RBFOX1: variants seen among roughly 807,000 people sequenced by gnomAD.
The protein encoded by RBFOX1 is RNA binding protein fox-1 homolog 1.
In RBFOX1, 8 loss-of-function variants were observed where a neutral mutation model predicts 57.7. The ratio of observed to expected loss-of-function variants is 0.14; its 90% CI spans 0.08 to 0.25. The LOEUF (loss-of-function observed/expected upper bound fraction) is 0.25, where lower values mean the gene tolerates loss of function less well. RBFOX1 is among the 10% of genes least tolerant of loss of function. The pLI, the probability that RBFOX1 is intolerant of heterozygous loss-of-function variation, is 1.00. For missense variants in RBFOX1, 611 were observed against 548.5 expected, an observed-to-expected ratio of 1.11 and a Z score of -1.14; for synonymous variants, 326 against 222.4, an observed-to-expected ratio of 1.47 and a Z score of -4.15.
At position 7,696,610 on chromosome 16, in the gene RBFOX1, A is replaced by G. The variant is rs147416229; in HGVS notation, c.996-12446A>G. ...AGGAACTGTTCTAAGCCCTGGGGACATAGCATTAAATGAGTCAGGAGAAGG... is the reference window on the plus strand; with the variant it reads ...AGGAACTGTTCTAAGCCCTGGGGACGTAGCATTAAATGAGTCAGGAGAAGG... On this transcript the variant is annotated intron_variant, in intron 14 of 15. Transcript: ENST00000550418. Among the ~76,000 whole-genome samples, 142 of 152,038 alleles carry G rather than the reference A, an allele frequency of 9.3e-4. 1 individual carries two copies. The East Asian group carries it at 0.02, about 22-fold the overall frequency.
intron 4 of RBFOX1, among the ~76,000 whole-genome samples, chr16:7,275,043 G>A (rs980048518): frequency 6.6e-6 from 1 of 152,094 alleles, no homozygotes; most frequent in African/African-American, 2.4e-5. Flanking sequence ...GTGGTCGAAG[G>A]GTGGTGGAGA....
chr16:6,997,032 A>T (rs866874339), intron 3 of RBFOX1, among the ~76,000 whole-genome samples: 5 of 152,266 alleles, frequency 3.3e-5, no homozygotes, highest in Admixed American at 6.5e-5. Context: ...TTATATTTAT[A>T]TGCACGTATT....
intron 3 of RBFOX1, among the ~76,000 whole-genome samples, chr16:5,822,880 G>A (rs1208949633): frequency 2.0e-5 from 3 of 152,200 alleles, no homozygotes; most frequent in Non-Finnish European, 4.4e-5. Flanking sequence ...AAATGCATCT[G>A]AAAGGCATCT....
chr16:5,411,766 T>C (rs368251485), intron 1 of RBFOX1, among the ~76,000 whole-genome samples: 68 of 151,672 alleles, frequency 4.5e-4, no homozygotes, highest in Non-Finnish European at 8.7e-4. Flanking sequence ...CATGGTGGTC[T>C]CATCTACTCT....
At chr16:5,853,271 C>A (rs77994348) in intron 3 of RBFOX1, among the ~76,000 whole-genome samples, 8,656 of 152,188 alleles carry the variant, frequency 0.057, 351 homozygotes, top group East Asian at 0.11. Flanking sequence ...TCCAGCCAGA[C>A]AACCCTCACC....
chr16:7,042,925 C>A (rs536391540), intron 3 of RBFOX1, among the ~76,000 whole-genome samples: 1 of 152,030 alleles, frequency 6.6e-6, no homozygotes, highest in East Asian at 1.9e-4. Context: ...GACTTTGTTT[C>A]AAAAATAAAT....
intron 4 of RBFOX1, among the ~76,000 whole-genome samples, chr16:7,066,826 A>G (rs546820649): frequency 6.6e-6 from 1 of 152,296 alleles, no homozygotes; most frequent in Admixed American, 6.5e-5. Context: ...ACTTGATGTC[A>G]ACTCTGTCTT....
intron 5 of RBFOX1, among the ~76,000 whole-genome samples, chr16:7,523,418 T>C (rs990302196): frequency 6.6e-6 from 1 of 152,218 alleles, no homozygotes; most frequent in Non-Finnish European, 1.5e-5. Context: ...ATTTTTTCCA[T>C]GAATGGAGGC....
intron 3 of RBFOX1, among the ~76,000 whole-genome samples, chr16:7,000,582 C>CT (rs1253270112): frequency 1.1e-3 from 94 of 87,354 alleles, no homozygotes; most frequent in African/African-American, 5.2e-3. Flanking sequence ...TTCTTTTTTT[C>CT]TTTCTTTTTC....
intron 1 of RBFOX1, among the ~76,000 whole-genome samples, chr16:5,302,072 A>G (rs1035606329): frequency 1.3e-5 from 2 of 152,040 alleles, no homozygotes; most frequent in Admixed American, 1.3e-4. Flanking sequence ...TAATATAGGC[A>G]TTTAATGTAG....
At position 6,727,050 on chromosome 16, in the gene RBFOX1, A is replaced by ACACACACACACACACACAC. The variant is rs2067357479; in HGVS notation, c.-16+72400_-16+72401insCACACACACACACACACAC. Among the ~76,000 whole-genome samples the ACACACACACACACACACAC allele has an allele frequency of 2.2e-5, 3 of 135,872 alleles. No individual in the cohort carries two copies. In the East Asian group the frequency reaches 6.8e-4, roughly 31 times the overall value. The allele number at this position is 135,872 out of a possible 152,430, so 89.1% of individuals were successfully genotyped here. A position where few individuals can be genotyped will look rare whatever the true frequency, so the allele number is the denominator to read the frequency against. On this transcript the variant is annotated intron_variant, in intron 3 of 15. Transcript: ENST00000550418. The stretch of plus-strand genomic sequence containing the variant: ...TCATGACCTTCAGGTATTTGGACTG[A>ACACACACACACACACACAC]ACACACACACACACAGACACAGAGA...
chr16:6,792,401 T>A (rs2083146220), intron 3 of RBFOX1, among the ~76,000 whole-genome samples: 1 of 152,188 alleles, frequency 6.6e-6, no homozygotes, highest in Admixed American at 6.5e-5. Flanking sequence ...ATTTTTTGAT[T>A]TAGCAAATAG....
intron 2 of RBFOX1, among the ~76,000 whole-genome samples, chr16:6,535,049 C>T (rs768714256): frequency 2.6e-5 from 4 of 152,146 alleles, no homozygotes; most frequent in African/African-American, 7.2e-5. Flanking sequence ...CATTGGATTC[C>T]GCATCCTGCA....
At chr16:6,441,664 C>A (rs1368463069) in intron 2 of RBFOX1, among the ~76,000 whole-genome samples, 1 of 152,178 alleles carries the variant, frequency 6.6e-6, no homozygotes, top group African/African-American at 2.4e-5. Flanking sequence ...GTGATCCACC[C>A]ACTTTGGCCT....
chr16:5,328,056 G>A (rs2064635891), intron 1 of RBFOX1, among the ~76,000 whole-genome samples: 1 of 152,180 alleles, frequency 6.6e-6, no homozygotes, highest in Non-Finnish European at 1.5e-5. Context: ...CCCCCATGTT[G>A]CTTAGGAGTC....
chr16:7,399,427 A>G (rs2098199985), intron 4 of RBFOX1, among the ~76,000 whole-genome samples: 1 of 152,248 alleles, frequency 6.6e-6, no homozygotes, highest in African/African-American at 2.4e-5. Context: ...AGCCTGGGTA[A>G]CAAGAGCAGA....
intron 4 of RBFOX1, among the ~76,000 whole-genome samples, chr16:7,203,951 A>G (rs1268588960): frequency 1.3e-5 from 2 of 152,236 alleles, no homozygotes; most frequent in African/African-American, 2.4e-5. Flanking sequence ...TGCTTTACAT[A>G]GGGCTGTACA....
chr16:7,337,320 A>G (rs1331601516), intron 4 of RBFOX1, among the ~76,000 whole-genome samples: 1 of 152,198 alleles, frequency 6.6e-6, no homozygotes, highest in African/African-American at 2.4e-5. Context: ...AGTCGGGAAG[A>G]GGGTGGTTTC....
intron 1 of RBFOX1, among the ~76,000 whole-genome samples, chr16:5,411,711 G>A (rs1203500863): frequency 1.3e-5 from 2 of 151,282 alleles, no homozygotes; most frequent in African/African-American, 2.4e-5. Context: ...ACCAGCCTGG[G>A]CAACATGGAA....
Sources: allele counts gnomAD v4.1 joint callset (sites outside exome capture counted in the v4.1 genomes callset), GRCh38; gene constraint gnomAD v4.1.1; transcripts MANE v1.5; gene names NCBI Gene and HGNC (gene_info 2026-07-23, HGNC 2026-07-21).